HDLBP: variants seen among roughly 807,000 people sequenced by gnomAD.
The protein encoded by HDLBP is high density lipoprotein binding protein.
A neutral mutation model predicts 137.3 loss-of-function variants in HDLBP; 30 were observed. The ratio of observed to expected loss-of-function variants is 0.22; its 90% CI spans 0.16 to 0.30. HDLBP has a LOEUF of 0.30. Among genes scored for constraint, HDLBP ranks in the 10% least tolerant of loss-of-function variants. The pLI is 1.00. For synonymous variants in HDLBP, 606 were observed against 596.0 expected, an observed-to-expected ratio of 1.02 and a Z score of -0.24; for missense variants, 1,119 against 1,667.3, an observed-to-expected ratio of 0.67 and a Z score of 5.73.
intron 11 of HDLBP, among the ~76,000 whole-genome samples, chr2:241,252,640 C>T (rs1018816387): frequency 1.3e-5 from 2 of 152,252 alleles, no homozygotes; most frequent in Admixed American, 6.5e-5. Flanking sequence ...CCTAGCAGGT[C>T]TGACGGAAAT....
intron 24 of HDLBP, 113 bp from the exon 25 acceptor site, chr2:241,231,057 A>T: frequency 2.3e-6 from 2 of 884,810 alleles, no homozygotes; most frequent in Non-Finnish European, 1.8e-6. Context: ...GATGGAAAGC[A>T]ACGTCACGGC....
intron 1 of HDLBP, among the ~76,000 whole-genome samples, chr2:241,279,469 G>A (rs1350073187): frequency 1.3e-5 from 2 of 152,196 alleles, no homozygotes; most frequent in Non-Finnish European, 2.9e-5. Context: ...ACGTGGAGGA[G>A]GGCTTGCTCT....
chr2:241,294,522 G>T (rs1205638172), intron 1 of HDLBP, among the ~76,000 whole-genome samples: 3 of 152,122 alleles, frequency 2.0e-5, no homozygotes, highest in Non-Finnish European at 4.4e-5. Context: ...GTACAGTGAT[G>T]CAAGATAGCT....
chr2:241,264,657 A>G (rs1161316849), intron 3 of HDLBP, 52 bp from the exon 4 acceptor site: 1 of 1,569,832 alleles, frequency 6.4e-7, no homozygotes, highest in Admixed American at 1.7e-5. Context: ...GCATTACATG[A>G]AAAACACTTT....
intron 22 of HDLBP, 22 bp downstream of exon 22, chr2:241,235,468 G>C (rs2070293915): frequency 1.3e-6 from 2 of 1,584,760 alleles, no homozygotes; most frequent in African/African-American, 2.7e-5. Flanking sequence ...CTGTGACATG[G>C]CCTCCCGGGA....
At chr2:241,229,805 C>T (rs765696033) in intron 27 of HDLBP, 28 bp downstream of exon 27, 1 of 1,115,090 alleles carries the variant, frequency 9.0e-7, no homozygotes, top group Non-Finnish European at 1.3e-6. Flanking sequence ...CTCCCTGGGA[C>T]CCAGGAGGGC....
chr2:241,230,639 A>G lies in HDLBP; in HGVS notation c.3474+120T>C. 1 of 856,388 alleles carries G rather than the reference A, an allele frequency of 1.2e-6. No homozygotes were observed. Among genetic ancestry groups the G allele is most frequent in the Non-Finnish European group, 1.8e-6 (1 of 543,568 alleles). 53.0% of individuals were successfully genotyped at this position (856,388 alleles called of 1,614,324 possible). A position where few individuals can be genotyped will look rare whatever the true frequency, so the allele number is the denominator to read the frequency against. On this transcript the variant is annotated intron_variant, in intron 25 of 27. Coordinates refer to ENST00000310931, the MANE Select transcript of HDLBP (RefSeq NM_005336.6). This position sits in a 1 kb window ranked among gnomAD's most constrained non-coding sequence, Gnocchi z 5.0. ...TGTCCATGAGGACAGTTCCACTGCC[A>G]GCCCTGGGGTTGTGGCCTCATCATC...
At position 241,255,363 on chromosome 2, in the gene HDLBP, G is replaced by C; in HGVS notation, c.1080+11C>G. On this transcript the variant is annotated intron_variant, in intron 8 of 27. Coordinates refer to ENST00000310931, the MANE Select transcript of HDLBP (RefSeq NM_005336.6). ...TCAAAGGAGACACACTTCATGCTCG[G>C]AGGCAGTTACCTTGGCATAGACTTC... The C allele has an allele frequency of 6.2e-7, 1 of 1,611,760 alleles. No homozygotes were observed. Among genetic ancestry groups the C allele is most frequent in the Non-Finnish European group, 8.5e-7 (1 of 1,177,882 alleles).
Position 241,230,059 on chromosome 2 carries a change from C to T in HDLBP, c.3591+94G>A, listed in dbSNP as rs1460321509. On this transcript the variant is annotated intron_variant, in intron 26 of 27. Coordinates refer to ENST00000310931, the MANE Select transcript of HDLBP (RefSeq NM_005336.6). This position sits in a 1 kb window ranked among gnomAD's most constrained non-coding sequence, Gnocchi z 5.0. ...TGCACCTCGCCTGCCTCTGGAAACA[C>T]AAGTGCCACCTTGTCCCCTGAAGCT... 4.4e-6 allele frequency: 7 copies of T among 1,583,242 alleles called. No homozygotes were observed. The highest frequency in any genetic ancestry group is 1.1e-5 in the South Asian group (1 of 88,648).
In HDLBP at chr2:241,272,926, CGCCGCCCCGG is replaced by C. The variant is rs1202017880; in HGVS notation, c.-102-4395_-102-4386del. The stretch of plus-strand genomic sequence containing the variant: ...CCGCCCGCCCCGCCGCTGGGGTCCC[CGCCGCCCCGG>C]GCCGCCCAGCACCCGGGAGGCCCAC... On this transcript the variant is annotated intron_variant, in intron 1 of 27. Coordinates refer to ENST00000310931, the MANE Select transcript of HDLBP (RefSeq NM_005336.6). The surrounding 1 kb of genome is among the most constrained non-coding windows in gnomAD (Gnocchi z 5.6). The C allele has an allele frequency of 1.3e-6, 1 of 790,162 alleles. No homozygotes were observed. The highest frequency in any genetic ancestry group is 1.9e-5 in the African/African-American group (1 of 53,054). The allele number at this position is 790,162 out of a possible 1,614,324, so 48.9% of individuals were successfully genotyped here.
At chr2:241,232,934 GGT>G (rs1159413782) in intron 24 of HDLBP, among the ~76,000 whole-genome samples, 4 of 151,974 alleles carry the variant, frequency 2.6e-5, no homozygotes, top group South Asian at 4.2e-4. Flanking sequence ...TGGCCTGGCT[GGT>G]GTGTGTGTGA....
intron 11 of HDLBP, chr2:241,250,746 A>AG (rs3836132): frequency 0.25 from 38,650 of 152,198 alleles, 5,792 homozygotes; most frequent in East Asian, 0.63. Flanking sequence ...CGATGCACTG[A>AG]GGGGGGAACA....
chr2:241,253,989 T>C (rs1024760916), intron 9 of HDLBP, among the ~76,000 whole-genome samples: 2 of 152,160 alleles, frequency 1.3e-5, no homozygotes, highest in Admixed American at 1.3e-4. Flanking sequence ...TATGAAGCTA[T>C]ACAAAGTAAA....
At chr2:241,271,051 T>C (rs1049947841) in intron 1 of HDLBP, 1 of 985,268 alleles carries the variant, frequency 1.0e-6, no homozygotes, top group African/African-American at 1.7e-5. Context: ...CACCTCAAGT[T>C]ATGACAAAAT....
chr2:241,239,480 GA>G lies in HDLBP; in HGVS notation c.2610+121del. 1 of 760,756 alleles carries G rather than the reference GA, an allele frequency of 1.3e-6. No individual in the cohort carries two copies. Among genetic ancestry groups the G allele is most frequent in the South Asian group, 1.7e-5 (1 of 58,206 alleles). The allele number at this position is 760,756 out of a possible 1,614,324, so 47.1% of individuals were successfully genotyped here. A position where few individuals can be genotyped will look rare whatever the true frequency, so the allele number is the denominator to read the frequency against. Reference sequence around the variant, plus strand: ...GAGCGAGCACCAGAAAGCCCCTTCTGAAGCCTTCCAGGGCTGTATGAGGGAG... The same window carrying G: ...GAGCGAGCACCAGAAAGCCCCTTCTGAGCCTTCCAGGGCTGTATGAGGGAG... On this transcript the variant is annotated intron_variant, in intron 19 of 27. Coordinates refer to ENST00000310931, the MANE Select transcript of HDLBP (RefSeq NM_005336.6). This position sits in a 1 kb window ranked among gnomAD's most constrained non-coding sequence, Gnocchi z 4.6.
At position 241,230,752 on chromosome 2, in the gene HDLBP, G is replaced by A. The variant is rs200364080; in HGVS notation, c.3474+7C>T. On this transcript the variant is annotated splice_region_variant and intron_variant, in intron 25 of 27. Coordinates refer to ENST00000310931, the MANE Select transcript of HDLBP (RefSeq NM_005336.6). This position sits in a 1 kb window ranked among gnomAD's most constrained non-coding sequence, Gnocchi z 5.0. ...ATTCTCACCCACTGTGCTTCCAGCC[G>A]GCTCACCTTGAATTCGTCCATGATT... The A allele has an allele frequency of 1.3e-4, 214 of 1,612,950 alleles. No individual in the cohort carries two copies. The Middle Eastern group carries it at 1.6e-3, about 12-fold the overall frequency.
Position 241,266,013 on chromosome 2 carries a change from TACTC to T in HDLBP, c.76+777_76+780del, listed in dbSNP as rs568128439. ...TATTTTAATTAATTTTAAGAACTAA[TACTC>T]AATTTAGTTATTGGAAAACTTTTAA... On this transcript the variant is annotated intron_variant, in intron 3 of 27. Transcript: ENST00000310931. 7.0e-3 allele frequency among the ~76,000 whole-genome samples: 1,069 copies of T among 152,372 alleles called. 14 individuals are homozygous for T. Among genetic ancestry groups the T allele is most frequent in the Non-Finnish European group, 8.2e-3 (555 of 68,038 alleles).
chr2:241,237,541 G>C (rs1029151323), intron 20 of HDLBP, among the ~76,000 whole-genome samples: 1 of 152,188 alleles, frequency 6.6e-6, no homozygotes, highest in Admixed American at 6.5e-5. Flanking sequence ...GGATGGGGAA[G>C]TAGGTGTTTC....
intron 1 of HDLBP, among the ~76,000 whole-genome samples, chr2:241,306,514 C>G (rs1324942474): frequency 6.6e-6 from 1 of 152,152 alleles, no homozygotes; most frequent in Non-Finnish European, 1.5e-5. Flanking sequence ...CCGCCTCAGC[C>G]TCCCAAAGTG....
Sources: allele counts gnomAD v4.1 joint callset (sites outside exome capture counted in the v4.1 genomes callset), GRCh38; gene constraint gnomAD v4.1.1; non-coding constraint Gnocchi (gnomAD v3.1); transcripts MANE v1.5; gene names NCBI Gene and HGNC (gene_info 2026-07-23, HGNC 2026-07-21).